The following UMODL1 variants were observed in gnomAD, a reference collection of about 807,000 sequenced individuals.
The protein encoded by UMODL1 is uromodulin like 1.
Under a neutral mutation model 136.3 loss-of-function variants are expected in UMODL1, and 128 were observed. The observed-to-expected ratio is 0.94, with a 90% CI of 0.81 to 1.09. The LOEUF (loss-of-function observed/expected upper bound fraction) is 1.09, where lower values mean the gene tolerates loss of function less well. Among genes scored for constraint, UMODL1 ranks in the 50% least tolerant of loss-of-function variants. UMODL1 has a pLI of 0.00. For synonymous variants in UMODL1, 721 were observed against 720.0 expected, an observed-to-expected ratio of 1.00 and a Z score of -0.02; for missense variants, 1,766 against 1,725.6, an observed-to-expected ratio of 1.02 and a Z score of -0.41.
At chr21:42,138,927 G>C (rs2067244126) in intron 22 of UMODL1, among the ~76,000 whole-genome samples, 2 of 152,280 alleles carry the variant, frequency 1.3e-5, no homozygotes, top group African/African-American at 4.8e-5. Flanking sequence ...TAGCACTTTT[G>C]GAGGCCAAGG....
intron 22 of UMODL1, among the ~76,000 whole-genome samples, chr21:42,140,190 G>A (rs767493962): frequency 1.3e-5 from 2 of 152,244 alleles, no homozygotes; most frequent in African/African-American, 2.4e-5. Flanking sequence ...CCGACGAAGA[G>A]GGGGTGGGCT....
rs2066599892 is a variant in UMODL1, at chr21:42,099,409, G to A, written c.1186+229G>A. 6.6e-6 allele frequency among the ~76,000 whole-genome samples: 1 copy of A among 152,176 alleles called. No individual in the cohort carries two copies. The highest frequency in any genetic ancestry group is 2.1e-4 in the South Asian group (1 of 4,828). The stretch of plus-strand genomic sequence containing the variant: ...CGCTTCCCTACATGTCGTCCTGTTA[G>A]GGGTTCGTTCTGCCGTGTGAGGGGA... On this transcript the variant is annotated intron_variant, in intron 7 of 22. Coordinates refer to ENST00000408910, the MANE Select transcript of UMODL1 (RefSeq NM_001004416.3). The surrounding 1 kb of genome is among the most constrained non-coding windows in gnomAD (Gnocchi z 4.1).
intron 21 of UMODL1, among the ~76,000 whole-genome samples, chr21:42,131,944 T>C (rs2067139605): frequency 6.6e-6 from 1 of 152,234 alleles, no homozygotes; most frequent in African/African-American, 2.4e-5. Flanking sequence ...TAATAGATAA[T>C]GTGTTCTTTC....
At position 42,126,502 on chromosome 21, in the gene UMODL1, A is replaced by G; in HGVS notation, c.3293+12A>G. On this transcript the variant is annotated intron_variant, in intron 18 of 22. Coordinates refer to ENST00000408910, the MANE Select transcript of UMODL1 (RefSeq NM_001004416.3). Reference sequence around the variant, plus strand: ...ACCCTGGAGTGGGGGTAAGGGAGAAATGCCCCGGCTGCCCCACAGCCACGT... The same window carrying G: ...ACCCTGGAGTGGGGGTAAGGGAGAAGTGCCCCGGCTGCCCCACAGCCACGT... 1 of 1,614,162 alleles carries G rather than the reference A, an allele frequency of 6.2e-7. No individual in the cohort carries two copies. Among genetic ancestry groups the G allele is most frequent in the Non-Finnish European group, 8.5e-7 (1 of 1,180,012 alleles).
Position 42,111,561 on chromosome 21 carries a change from C to T in UMODL1, c.1955C>T (p.Pro652Leu). 5 of 1,614,146 alleles carry T rather than the reference C, an allele frequency of 3.1e-6. No individual in the cohort carries two copies. Among genetic ancestry groups the T allele is most frequent in the South Asian group, 1.1e-5 (1 of 91,084 alleles). ...TCCTGGCCTTCCCCTACTGAGGACC[C>T]CACCGGCCACTTCCTGTGGCATGCC... ...PPSWPSPTED[P>L]TGHFLWHATR... is the part of the protein sequence containing the mutation. Residue 652 changes from proline to leucine, a missense_variant, in exon 12 of 23, where the codon CCC (proline) becomes CTC (leucine). Pro to Leu is a moderately conservative substitution (Grantham distance 98). Transcript: ENST00000408910.
chr21:42,106,511 G>A (rs565925563), intron 9 of UMODL1, among the ~76,000 whole-genome samples: 1 of 152,338 alleles, frequency 6.6e-6, no homozygotes, highest in East Asian at 1.9e-4. Flanking sequence ...GTTCGCCCGT[G>A]GAGGGGTCAG....
chr21:42,125,887 C>T (rs1188018297), intron 17 of UMODL1, among the ~76,000 whole-genome samples: 6 of 152,176 alleles, frequency 3.9e-5, no homozygotes, highest in African/African-American at 1.2e-4. Flanking sequence ...AGGACTGGGG[C>T]CCTGGGCAGA....
At chr21:42,092,988 C>T (rs953880945) in intron 6 of UMODL1, among the ~76,000 whole-genome samples, 1 of 152,184 alleles carries the variant, frequency 6.6e-6, no homozygotes, top group Admixed American at 6.5e-5. Context: ...AGCCCTCTGG[C>T]GGGGACCTGC....
At chr21:42,063,568 G>C (rs1035414772) in intron 1 of UMODL1, among the ~76,000 whole-genome samples, 16 of 152,116 alleles carry the variant, frequency 1.1e-4, no homozygotes, top group African/African-American at 3.9e-4. Flanking sequence ...CGATGCCTTA[G>C]ACCCAGGAGC....
upstream of UMODL1, among the ~76,000 whole-genome samples, chr21:42,066,641 A>G (rs1297987812): frequency 1.3e-5 from 2 of 152,184 alleles, no homozygotes; most frequent in African/African-American, 4.8e-5. Flanking sequence ...TGTCATGAAG[A>G]TAGGAGTTCA....
Position 42,096,062 on chromosome 21 carries a change from C to T in UMODL1, c.932-2864C>T, listed in dbSNP as rs1338837328. ...TGTGGACCTTAACTCATCATTGTTC[C>T]CTCAGTGTTTATGGTGATGCTGGGT... is the stretch of plus-strand genomic sequence containing the variant. On this transcript the variant is annotated intron_variant, in intron 6 of 22. Coordinates refer to ENST00000408910, the MANE Select transcript of UMODL1 (RefSeq NM_001004416.3). Among the ~76,000 whole-genome samples the T allele has an allele frequency of 2.0e-5, 3 of 152,048 alleles. No homozygotes were observed. The East Asian group carries it at 5.8e-4, about 29-fold the overall frequency.
chr21:42,089,264 G>A (rs993268820), intron 5 of UMODL1, among the ~76,000 whole-genome samples: 1 of 152,212 alleles, frequency 6.6e-6, no homozygotes, highest in Non-Finnish European at 1.5e-5. Context: ...CCTTGGTGAA[G>A]CCTCTTCTAT....
At chr21:42,111,750 GGA>G in intron 12 of UMODL1, 40 bp downstream of exon 12, 3 of 1,552,338 alleles carry the variant, frequency 1.9e-6, no homozygotes, top group Non-Finnish European at 2.6e-6. Flanking sequence ...AGGACTAATA[GGA>G]CCCATAGCCT....
chr21:42,072,211 G>A (rs572777529), intron 1 of UMODL1, among the ~76,000 whole-genome samples: 2 of 152,200 alleles, frequency 1.3e-5, no homozygotes, highest in Non-Finnish European at 2.9e-5. Context: ...CCAGGCATGC[G>A]GAGAGCAGGG....
chr21:42,134,182 G>A (rs1438639514), intron 21 of UMODL1, among the ~76,000 whole-genome samples: 1 of 152,216 alleles, frequency 6.6e-6, no homozygotes, highest in African/African-American at 2.4e-5. Context: ...GCCTCCCAAA[G>A]TGTCAACATA....
chr21:42,071,979 T>A (rs1361028147), intron 1 of UMODL1, among the ~76,000 whole-genome samples: 1 of 150,850 alleles, frequency 6.6e-6, no homozygotes, highest in Admixed American at 6.6e-5. Flanking sequence ...GCTTGGGAGG[T>A]CCAGGCTGCA....
intron 1 of UMODL1, among the ~76,000 whole-genome samples, chr21:42,072,023 G>C (rs1168441179): frequency 1.3e-5 from 2 of 150,370 alleles, no homozygotes; most frequent in Non-Finnish European, 3.0e-5. Flanking sequence ...ACTGCAGCCT[G>C]GGCGGCAGAG....
chr21:42,135,243 C>T (rs1470177457), intron 21 of UMODL1, among the ~76,000 whole-genome samples: 2 of 152,250 alleles, frequency 1.3e-5, no homozygotes, highest in Non-Finnish European at 2.9e-5. Flanking sequence ...GGCAGGATGC[C>T]TCACCAGTGG....
upstream of UMODL1, among the ~76,000 whole-genome samples, chr21:42,068,496 A>G (rs940793812): frequency 1.3e-5 from 2 of 152,128 alleles, no homozygotes; most frequent in African/African-American, 4.8e-5. This position sits in a 1 kb window ranked among gnomAD's most constrained non-coding sequence, Gnocchi z 5.5. Flanking sequence ...TTTTGGTTGC[A>G]TGACTCTCCT....
Sources: allele counts gnomAD v4.1 joint callset (sites outside exome capture counted in the v4.1 genomes callset), GRCh38; gene constraint gnomAD v4.1.1; non-coding constraint Gnocchi (gnomAD v3.1); transcripts MANE v1.5; gene names NCBI Gene and HGNC (gene_info 2026-07-23, HGNC 2026-07-21).